Variants in ACYP2 observed in about 807,000 individuals in gnomAD.
ACYP2 encodes acylphosphatase 2.
In ACYP2, 12 loss-of-function variants were observed where a neutral mutation model predicts 11.2. The observed-to-expected ratio is 1.08, with a 90% confidence interval of 0.69 to 1.74. The LOEUF (loss-of-function observed/expected upper bound fraction) is 1.74, where lower values mean the gene tolerates loss of function less well. Among genes scored for constraint, ACYP2 ranks in the 40% most tolerant of loss-of-function variants. ACYP2 has a pLI of 0.00. For synonymous variants in ACYP2, 43 were observed against 32.2 expected (o/e 1.33, Z -1.13); for missense variants, 134 against 101.9 (o/e 1.31, Z -1.35).
chr2:54,095,567 C>G (rs1678495117), intron 4 of ACYP2, among the ~76,000 whole-genome samples: 1 of 148,954 alleles, frequency 6.7e-6, no homozygotes. Context: ...GGGGGGCTGA[C>G]CCCACCACCT....
chr2:54,025,524 A>G (rs188434946), intron 2 of ACYP2, among the ~76,000 whole-genome samples: 70 of 152,340 alleles, frequency 4.6e-4, no homozygotes, highest in Non-Finnish European at 9.0e-4. Flanking sequence ...AGTAAGCTAC[A>G]TGTAAAACAA....
chr2:54,234,170 C>T (rs536244413), intron 6 of ACYP2, among the ~76,000 whole-genome samples: 18 of 152,244 alleles, frequency 1.2e-4, no homozygotes, highest in South Asian at 2.1e-4. Context: ...TGGAGAAGGA[C>T]CCCCTGTTGA....
At chr2:54,016,121 A>G (rs997806622) in intron 2 of ACYP2, among the ~76,000 whole-genome samples, 2 of 151,824 alleles carry the variant, frequency 1.3e-5, no homozygotes, top group African/African-American at 2.4e-5. Flanking sequence ...TTATTCTCCA[A>G]ATATGCTAAG....
At chr2:54,207,882 T>G (rs536515538) in intron 6 of ACYP2, among the ~76,000 whole-genome samples, 17 of 152,206 alleles carry the variant, frequency 1.1e-4, no homozygotes, top group Non-Finnish European at 2.1e-4. Context: ...CATTCAATAT[T>G]GGGCAATTTT....
chr2:54,245,522 A>G (rs1038205359), intron 6 of ACYP2, among the ~76,000 whole-genome samples: 1 of 151,886 alleles, frequency 6.6e-6, no homozygotes, highest in South Asian at 2.1e-4. Context: ...TTTTCTCTGC[A>G]TCGTTGTTTT....
intron 2 of ACYP2, among the ~76,000 whole-genome samples, chr2:54,016,995 G>A (rs920752944): frequency 1.3e-5 from 2 of 150,642 alleles, no homozygotes; most frequent in African/African-American, 5.0e-5. Context: ...AAAGTGCTGA[G>A]ATTACAGGCG....
chr2:54,298,758 CATTT>C (rs891621534), intron 6 of ACYP2, among the ~76,000 whole-genome samples: 6 of 152,154 alleles, frequency 3.9e-5, no homozygotes, highest in African/African-American at 1.4e-4. Flanking sequence ...AGCCAGAGTT[CATTT>C]GTTTTGAGAC....
intron 6 of ACYP2, among the ~76,000 whole-genome samples, chr2:54,189,546 T>G (rs1255054455): frequency 1.3e-5 from 2 of 152,066 alleles, no homozygotes; most frequent in African/African-American, 2.4e-5. Flanking sequence ...ATAGATCCTA[T>G]ATTCTCTCTA....
chr2:54,292,644 TTC>T lies in ACYP2; in HGVS notation c.405-12042_405-12041del, dbSNP rs528110146. Among the ~76,000 whole-genome samples, 7 of 147,534 alleles carry T rather than the reference TTC, an allele frequency of 4.7e-5. No homozygotes were observed. The East Asian group carries it at 1.4e-3, about 30-fold the overall frequency. ...TCTATTAACCAGTTGATTGAAACAT[TTC>T]TGATTGTGTGTGTATATATGTATAC... On this transcript the variant is annotated intron_variant, in intron 6 of 6. Coordinates refer to ENST00000607452, the MANE Select transcript of ACYP2 (RefSeq NM_001320586.2).
rs371645721 is a variant in ACYP2 at position 54,256,195 on chromosome 2, G to A, written c.405-48493G>A. ...AGCAGTGGGTAGAGGCCAGGCCAGAGGTAGGTAGCGTCAACGTTCCTCACA... is the reference window on the plus strand; with the variant it reads ...AGCAGTGGGTAGAGGCCAGGCCAGAAGTAGGTAGCGTCAACGTTCCTCACA... On this transcript the variant is annotated intron_variant, in intron 6 of 6. Coordinates refer to ENST00000607452, the MANE Select transcript of ACYP2 (RefSeq NM_001320586.2). 57 of 1,551,336 alleles carry A rather than the reference G, an allele frequency of 3.7e-5. No homozygotes were observed. The African/African-American group carries it at 7.3e-4, about 20-fold the overall frequency.
intron 6 of ACYP2, among the ~76,000 whole-genome samples, chr2:54,175,990 G>A (rs928238923): frequency 6.6e-6 from 1 of 152,142 alleles, no homozygotes; most frequent in Non-Finnish European, 1.5e-5. Context: ...CCTTTACCAT[G>A]TGAGGATACA....
chr2:54,185,915 C>G (rs1413530730), intron 6 of ACYP2, among the ~76,000 whole-genome samples: 1 of 151,626 alleles, frequency 6.6e-6, no homozygotes, highest in African/African-American at 2.4e-5. Context: ...ATACTATAAG[C>G]AAAAGGTAAA....
chr2:54,131,670 C>T (rs976867575), intron 4 of ACYP2, among the ~76,000 whole-genome samples: 1 of 152,154 alleles, frequency 6.6e-6, no homozygotes, highest in Non-Finnish European at 1.5e-5. Flanking sequence ...CCAACTTGAA[C>T]AGTGTGATGG....
At chr2:54,174,951 T>A (rs1253095281) in intron 6 of ACYP2, among the ~76,000 whole-genome samples, 2 of 152,226 alleles carry the variant, frequency 1.3e-5, no homozygotes, top group Non-Finnish European at 2.9e-5. Flanking sequence ...TTGAGGATTT[T>A]CACATCGGTG....
At position 54,057,223 on chromosome 2, in the gene ACYP2, C is replaced by A. The variant is rs184740403; in HGVS notation, c.156-16C>A. 1 of 397,588 alleles carries A rather than the reference C, an allele frequency of 2.5e-6. No homozygotes were observed. Among genetic ancestry groups the A allele is most frequent in the African/African-American group, 2.1e-5 (1 of 48,700 alleles). The allele number at this position is 397,588 out of a possible 1,614,324, so 24.6% of individuals were successfully genotyped here. On this transcript the variant is annotated splice_polypyrimidine_tract_variant and intron_variant, in intron 3 of 6. Transcript: ENST00000607452. Reference sequence around the variant, plus strand: ...GATGAACTTTTTCTTACTGTTCTCACATATTTTGTTTCCAGCTATAAATTC... The same window carrying A: ...GATGAACTTTTTCTTACTGTTCTCAAATATTTTGTTTCCAGCTATAAATTC...
At chr2:54,162,708 A>C (rs6757204) in intron 6 of ACYP2, among the ~76,000 whole-genome samples, 12,913 of 152,178 alleles carry the variant, frequency 0.085, 1,039 homozygotes, top group African/African-American at 0.21. Flanking sequence ...GCTCACCCCC[A>C]TAATCCCAGC....
chr2:54,036,093 TTTTG>T (rs1231191980), intron 2 of ACYP2, among the ~76,000 whole-genome samples: 4 of 152,184 alleles, frequency 2.6e-5, no homozygotes, highest in African/African-American at 7.2e-5. Flanking sequence ...ATATTTCTTT[TTTTG>T]TTTGTTTGTT....
At chr2:54,254,102 T>C (rs543720958) in intron 6 of ACYP2, 2 of 152,332 alleles carry the variant, frequency 1.3e-5, no homozygotes, top group South Asian at 4.1e-4. Flanking sequence ...CTGGTACTTG[T>C]CAAGAACACC....
intron 4 of ACYP2, among the ~76,000 whole-genome samples, chr2:54,134,672 C>G (rs1681118473): frequency 1.3e-5 from 2 of 152,190 alleles, no homozygotes; most frequent in Admixed American, 1.3e-4. Flanking sequence ...AACTAATTTT[C>G]AAAAACACTT....
Sources: allele counts gnomAD v4.1 joint callset (sites outside exome capture counted in the v4.1 genomes callset), GRCh38; gene constraint gnomAD v4.1.1; transcripts MANE v1.5; gene names NCBI Gene and HGNC (gene_info 2026-07-23, HGNC 2026-07-21).